Variants in USP45 observed in about 807,000 individuals in gnomAD.
USP45 encodes the protein ubiquitin specific peptidase 45.
A neutral mutation model predicts 95.8 loss-of-function variants in USP45; 89 were observed. The observed-to-expected ratio is 0.93, with a 90% CI of 0.78 to 1.11. USP45 has a LOEUF of 1.11. Among genes scored for constraint, USP45 ranks in the 50% least tolerant of loss-of-function variants. The pLI is 0.00. For missense variants in USP45, 898 were observed against 942.5 expected, an observed-to-expected ratio of 0.95 and a Z score of 0.62; for synonymous variants, 281 against 316.2, an observed-to-expected ratio of 0.89 and a Z score of 1.18.
Position 99,464,763 on chromosome 6 carries a change from A to G in USP45, c.1165-16T>C, listed in dbSNP as rs56296838. 1 of 1,582,986 alleles carries G rather than the reference A, an allele frequency of 6.3e-7. No homozygotes were observed. The highest frequency in any genetic ancestry group is 8.5e-7 in the Non-Finnish European group (1 of 1,171,104). On this transcript the variant is annotated splice_polypyrimidine_tract_variant and intron_variant, in intron 12 of 17. Transcript: ENST00000500704. The stretch of plus-strand genomic sequence containing the variant: ...GTTTTGAAACCTATGTAAATGCCAC[A>G]TACAGAAACCAAAACCTCTTTAGTA...
chr6:99,493,912 A>G (rs576775823), intron 5 of USP45, among the ~76,000 whole-genome samples: 34 of 152,360 alleles, frequency 2.2e-4, no homozygotes, highest in African/African-American at 7.2e-4. Context: ...ATTTTAGATG[A>G]TATTAAAAAT....
In USP45 at chr6:99,480,710, A is replaced by C. The variant is rs75799856; in HGVS notation, c.845+2043T>G. ...AGAATAGTTTGAAAAGGATGACCAA[A>C]ATTTGAGAACTTATGCTACTCAATT... On this transcript the variant is annotated intron_variant, in intron 8 of 17. Coordinates refer to ENST00000500704, the MANE Select transcript of USP45 (RefSeq NM_001346022.3). Among the ~76,000 whole-genome samples, 321 of 152,156 alleles carry C rather than the reference A, an allele frequency of 2.1e-3. 1 individual carries two copies. Among genetic ancestry groups the C allele is most frequent in the Non-Finnish European group, 3.4e-3 (234 of 67,994 alleles).
chr6:99,441,476 G>A (rs568861559), intron 15 of USP45, among the ~76,000 whole-genome samples: 1 of 151,748 alleles, frequency 6.6e-6, no homozygotes, highest in East Asian at 1.9e-4. Context: ...AGGTTGCAGT[G>A]AGCCGAGATC....
At chr6:99,438,565 GAAC>G (rs1780941961) in intron 16 of USP45, among the ~76,000 whole-genome samples, 2 of 152,036 alleles carry the variant, frequency 1.3e-5, no homozygotes, top group South Asian at 2.1e-4. Flanking sequence ...TTGCACAAAT[GAAC>G]AATAGATCCA....
intron 13 of USP45, among the ~76,000 whole-genome samples, chr6:99,450,575 A>G (rs1783628100): frequency 6.6e-6 from 1 of 152,178 alleles, no homozygotes; most frequent in Admixed American, 6.5e-5. Flanking sequence ...TGAGGACCAG[A>G]CGGATTCACA....
chr6:99,457,439 G>A (rs143802915), intron 13 of USP45, among the ~76,000 whole-genome samples: 235 of 152,254 alleles, frequency 1.5e-3, no homozygotes, highest in African/African-American at 5.1e-3. Flanking sequence ...CAAGCTGGCC[G>A]ATGCTTAAGG....
intron 5 of USP45, among the ~76,000 whole-genome samples, chr6:99,490,540 T>C (rs1794943122): frequency 6.6e-6 from 1 of 152,020 alleles, no homozygotes; most frequent in African/African-American, 2.4e-5. Flanking sequence ...ACTGACATGC[T>C]GCCTTGCATT....
chr6:99,509,647 C>CAAAAAAAAAAAAAA (rs199667881), intron 2 of USP45, among the ~76,000 whole-genome samples: 1 of 60,666 alleles, frequency 1.6e-5, no homozygotes, highest in Non-Finnish European at 3.5e-5. Context: ...AGAAAGAGAC[C>CAAAAAAAAAAAAAA]AAAAAAAAAA....
intron 13 of USP45, among the ~76,000 whole-genome samples, chr6:99,452,947 T>C (rs149876283): frequency 6.6e-6 from 1 of 152,196 alleles, no homozygotes; most frequent in East Asian, 1.9e-4. Flanking sequence ...AAACACTGCA[T>C]GTTCTCACTC....
intron 13 of USP45, among the ~76,000 whole-genome samples, chr6:99,449,728 A>G (rs535990882): frequency 5.9e-5 from 9 of 152,322 alleles, no homozygotes; most frequent in African/African-American, 1.9e-4. Context: ...AACAGAATAT[A>G]CATTCTTCTC....
At chr6:99,457,065 G>A (rs1785257116) in intron 13 of USP45, among the ~76,000 whole-genome samples, 1 of 152,140 alleles carries the variant, frequency 6.6e-6, no homozygotes, top group Admixed American at 6.5e-5. Context: ...TCATTAGGAA[G>A]GGAAAATACC....
rs181903142 is a variant in USP45, at chr6:99,442,774, G to A, written c.2073+791C>T. ...AAGCAGGAGAATCGCTTGAACCCAG[G>A]AGTTGGAGGTTGCAGGGAGCCGAGA... On this transcript the variant is annotated intron_variant, in intron 15 of 17. Coordinates refer to ENST00000500704, the MANE Select transcript of USP45 (RefSeq NM_001346022.3). 3.3e-4 allele frequency among the ~76,000 whole-genome samples: 50 copies of A among 152,274 alleles called. 1 individual carries two copies. In the South Asian group the frequency reaches 6.8e-3, roughly 21 times the overall value.
chr6:99,466,664 G>A lies in USP45; in HGVS notation c.1107+8C>T. The A allele has an allele frequency of 6.2e-7, 1 of 1,604,842 alleles. No homozygotes were observed. The highest frequency in any genetic ancestry group is 8.5e-7 in the Non-Finnish European group (1 of 1,172,520). ...ATTCCATGCTGAATTGAATTCTAAA[G>A]TACCTACATTTGCACATTCTTCACA... is the stretch of plus-strand genomic sequence containing the variant. On this transcript the variant is annotated splice_region_variant and intron_variant, in intron 11 of 17. Coordinates refer to ENST00000500704, the MANE Select transcript of USP45 (RefSeq NM_001346022.3).
chr6:99,464,554 G>C lies in USP45; in HGVS notation c.1308+50C>G, dbSNP rs780241547. 5 of 1,567,728 alleles carry C rather than the reference G, an allele frequency of 3.2e-6. No individual in the cohort carries two copies. In the South Asian group the frequency reaches 4.7e-5, roughly 15 times the overall value. On this transcript the variant is annotated intron_variant, in intron 13 of 17. Coordinates refer to ENST00000500704, the MANE Select transcript of USP45 (RefSeq NM_001346022.3). ...ACTTTTAGATGTGCTTGAAACTTTT[G>C]TTAATAAACTGTTAAAAAACAGACG...
chr6:99,477,025 G>C (rs1791041272), intron 8 of USP45, among the ~76,000 whole-genome samples: 1 of 152,132 alleles, frequency 6.6e-6, no homozygotes, highest in Admixed American at 6.5e-5. Flanking sequence ...CTTAAGTGCA[G>C]ACAAGTATTA....
intron 13 of USP45, among the ~76,000 whole-genome samples, chr6:99,456,391 T>A (rs1340434594): frequency 6.6e-6 from 1 of 152,150 alleles, no homozygotes; most frequent in Non-Finnish European, 1.5e-5. Context: ...AAAGAAATGA[T>A]AAATGCTTAA....
At chr6:99,462,143 A>AT (rs1387348789) in intron 13 of USP45, 11 of 982,894 alleles carry the variant, frequency 1.1e-5, no homozygotes, top group Non-Finnish European at 1.3e-5. Flanking sequence ...ACTCTATTAC[A>AT]TGAAAAAAAC....
At chr6:99,485,175 C>CAAAAAA (rs1190400783) in intron 7 of USP45, among the ~76,000 whole-genome samples, 2 of 88,706 alleles carry the variant, frequency 2.3e-5, no homozygotes, top group African/African-American at 4.2e-5. Flanking sequence ...ACTAAAAATA[C>CAAAAAA]AAAAAAAAAA....
chr6:99,479,033 G>C (rs1791624839), intron 8 of USP45, among the ~76,000 whole-genome samples: 1 of 151,696 alleles, frequency 6.6e-6, no homozygotes, highest in Non-Finnish European at 1.5e-5. Flanking sequence ...ACAGGTAAGG[G>C]GTATACCACC....
Sources: allele counts gnomAD v4.1 joint callset (sites outside exome capture counted in the v4.1 genomes callset), GRCh38; gene constraint gnomAD v4.1.1; transcripts MANE v1.5; gene names NCBI Gene and HGNC (gene_info 2026-07-23, HGNC 2026-07-21).